GPR158: variants seen among roughly 807,000 people sequenced by gnomAD.
GPR158 encodes metabotropic glycine receptor.
Under a neutral mutation model 78.2 loss-of-function variants are expected in GPR158, and 30 were observed. The observed-to-expected ratio is 0.38, with a 90% CI of 0.29 to 0.52. The LOEUF is 0.52. Ranked by LOEUF, GPR158 falls within the 20% of genes least tolerant of loss-of-function variation. The pLI is 0.83. For synonymous variants in GPR158, 581 were observed against 591.1 expected, an observed-to-expected ratio of 0.98 and a Z score of 0.25; for missense variants, 1,463 against 1,523.5, an observed-to-expected ratio of 0.96 and a Z score of 0.66.
At chr10:25,525,933 C>A (rs1836341206) in intron 5 of GPR158, among the ~76,000 whole-genome samples, 1 of 151,434 alleles carries the variant, frequency 6.6e-6, no homozygotes, top group African/African-American at 2.4e-5. Context: ...ATGATGAAAC[C>A]CCATCTCTAC....
intron 2 of GPR158, among the ~76,000 whole-genome samples, chr10:25,255,618 G>C (rs1289731772): frequency 1.3e-5 from 2 of 152,142 alleles, no homozygotes; most frequent in East Asian, 3.8e-4. Flanking sequence ...GTTTTGTTTT[G>C]TTTTGTGCTG....
rs758429017 is a variant in GPR158 at position 25,176,897 on chromosome 10, G to C, written c.902+575G>C. ...CGCAGTTCCGGCCCCTCAGCAGTGA[G>C]TCAGTCCCAGCAGCTAGCTGTCTCT... On this transcript the variant is annotated intron_variant, in intron 1 of 10. Coordinates refer to ENST00000376351, the MANE Select transcript of GPR158 (RefSeq NM_020752.3). This position sits in a 1 kb window ranked among gnomAD's most constrained non-coding sequence, Gnocchi z 6.3. 8.5e-5 allele frequency among the ~76,000 whole-genome samples: 13 copies of C among 152,188 alleles called. No homozygotes were observed. Among genetic ancestry groups the C allele is most frequent in the Non-Finnish European group, 1.8e-4 (12 of 68,026 alleles).
rs1370974209 is a variant in GPR158 at position 25,176,571 on chromosome 10, G to A, written c.902+249G>A. ...TCTCTCGGACCAGTTTCCCCGCACT[G>A]GGCGAGGGACAGGCAGCCCTTGGCA... is the stretch of plus-strand genomic sequence containing the variant. On this transcript the variant is annotated intron_variant, in intron 1 of 10. Transcript: ENST00000376351. This position sits in a 1 kb window ranked among gnomAD's most constrained non-coding sequence, Gnocchi z 6.3. Among the ~76,000 whole-genome samples, 5 of 152,228 alleles carry A rather than the reference G, an allele frequency of 3.3e-5. No individual in the cohort carries two copies. The highest frequency in any genetic ancestry group is 7.3e-5 in the Non-Finnish European group (5 of 68,042).
chr10:25,498,377 T>C (rs4749039), intron 5 of GPR158, among the ~76,000 whole-genome samples: 85,345 of 151,946 alleles, frequency 0.56, 25,693 homozygotes, highest in African/African-American at 0.79. Flanking sequence ...CAGACCTCTT[T>C]GTAATGTAGT....
At chr10:25,183,473 A>C (rs1234112349) in intron 1 of GPR158, among the ~76,000 whole-genome samples, 1 of 152,182 alleles carries the variant, frequency 6.6e-6, no homozygotes, top group African/African-American at 2.4e-5. Flanking sequence ...ATCTGATCCC[A>C]AGGTAGTAAA....
intron 2 of GPR158, among the ~76,000 whole-genome samples, chr10:25,264,211 A>G (rs1470822632): frequency 6.6e-6 from 1 of 152,156 alleles, no homozygotes; most frequent in Non-Finnish European, 1.5e-5. Context: ...TTTGTAACCA[A>G]TAGAATAAGA....
rs148330783 is a variant in GPR158, at chr10:25,285,127, G to A, written c.1008+63970G>A. Among the ~76,000 whole-genome samples the A allele has an allele frequency of 5.6e-3, 841 of 151,332 alleles. 5 individuals carry two copies. The highest frequency in any genetic ancestry group is 9.5e-3 in the Non-Finnish European group (642 of 67,870). On this transcript the variant is annotated intron_variant, in intron 2 of 10. Transcript: ENST00000376351. ...ATAAATCTACATTACTATCTAGCAT[G>A]ATATTATTTCTGCCTGAAGAACTCT...
intron 2 of GPR158, among the ~76,000 whole-genome samples, chr10:25,375,618 C>G (rs1257684011): frequency 6.6e-6 from 1 of 151,480 alleles, no homozygotes; most frequent in East Asian, 1.9e-4. Context: ...CTATCAATAT[C>G]AAATAGCTCC....
intron 4 of GPR158, among the ~76,000 whole-genome samples, chr10:25,447,500 G>A (rs117402208): frequency 5.9e-5 from 9 of 152,258 alleles, no homozygotes; most frequent in East Asian, 5.8e-4. Context: ...TTAGTTTCTC[G>A]TTCCTTTCCT....
At chr10:25,529,323 G>A (rs1445836193) in intron 5 of GPR158, among the ~76,000 whole-genome samples, 1 of 152,030 alleles carries the variant, frequency 6.6e-6, no homozygotes, top group Non-Finnish European at 1.5e-5. Flanking sequence ...GGAGGCGGAG[G>A]TAGCAGTAAG....
At chr10:25,312,469 G>T (rs553648836) in intron 2 of GPR158, among the ~76,000 whole-genome samples, 12 of 152,164 alleles carry the variant, frequency 7.9e-5, no homozygotes, top group East Asian at 5.8e-4. Context: ...TCTGCCAGTT[G>T]TTTTCCGTGA....
intron 2 of GPR158, among the ~76,000 whole-genome samples, chr10:25,327,632 T>A (rs917432278): frequency 6.6e-6 from 1 of 152,180 alleles, no homozygotes; most frequent in East Asian, 1.9e-4. Context: ...ACAGGAGCAA[T>A]GAAACACTAC....
At chr10:25,532,377 T>C (rs1836436032) in intron 5 of GPR158, among the ~76,000 whole-genome samples, 1 of 152,194 alleles carries the variant, frequency 6.6e-6, no homozygotes, top group South Asian at 2.1e-4. Context: ...AAAAAAGCTT[T>C]TGCCTCTATC....
At chr10:25,470,730 C>T (rs1835488341) in intron 5 of GPR158, among the ~76,000 whole-genome samples, 1 of 152,078 alleles carries the variant, frequency 6.6e-6, no homozygotes, top group South Asian at 2.1e-4. Context: ...TAATCTTTCC[C>T]ACAGAACCCT....
At chr10:25,218,103 C>G (rs1353644257) in intron 1 of GPR158, among the ~76,000 whole-genome samples, 1 of 152,112 alleles carries the variant, frequency 6.6e-6, no homozygotes, top group Non-Finnish European at 1.5e-5. Flanking sequence ...CTCTTCCCCA[C>G]AAAGAGAGGG....
At chr10:25,576,436 C>T (rs1489980457) in intron 7 of GPR158, among the ~76,000 whole-genome samples, 1 of 152,200 alleles carries the variant, frequency 6.6e-6, no homozygotes, top group Non-Finnish European at 1.5e-5. Flanking sequence ...ATTCTGCTCT[C>T]CTCCAGAGAG....
chr10:25,421,445 C>T (rs1834749984), intron 4 of GPR158, among the ~76,000 whole-genome samples: 1 of 152,108 alleles, frequency 6.6e-6, no homozygotes, highest in African/African-American at 2.4e-5. Context: ...AAGCCAAGAC[C>T]TGTAGCATTT....
chr10:25,264,445 T>C (rs1274564598), intron 2 of GPR158, among the ~76,000 whole-genome samples: 1 of 152,154 alleles, frequency 6.6e-6, no homozygotes, highest in Admixed American at 6.5e-5. Context: ...CCAGCTGAAA[T>C]GCAAAATATT....
intron 4 of GPR158, among the ~76,000 whole-genome samples, chr10:25,430,689 G>T: frequency 7.0e-6 from 1 of 143,852 alleles, no homozygotes; most frequent in Non-Finnish European, 1.5e-5. Flanking sequence ...ACAGAACAGA[G>T]CCCTCAGAAA....
Sources: gnomAD v4.1 joint callset for allele counts (sites outside exome capture counted in the v4.1 genomes callset) on GRCh38, gnomAD v4.1.1 for gene constraint, Gnocchi (gnomAD v3.1) non-coding constraint, MANE v1.5 for transcripts, NCBI Gene and HGNC (gene_info 2026-07-23, HGNC 2026-07-21) for gene names.